The following GALNT13 variants were observed in gnomAD, a reference collection of about 807,000 sequenced individuals.
GALNT13 encodes the protein polypeptide N-acetylgalactosaminyltransferase 13.
A neutral mutation model predicts 64.2 loss-of-function variants in GALNT13; 28 were observed. That is an observed-to-expected ratio of 0.44 (90% CI 0.32 to 0.60). The LOEUF is 0.60. GALNT13 is among the 20% of genes least tolerant of loss of function. The probability of loss-of-function intolerance (pLI) is 0.05; values close to 1 mark genes in which losing one functional copy is unlikely to be tolerated. For missense variants in GALNT13, 577 were observed against 669.8 expected (o/e 0.86, Z 1.53); for synonymous variants, 214 against 224.6 (o/e 0.95, Z 0.42).
chr2:153,348,334 G>C, the GALNT13 span, among the ~76,000 whole-genome samples: 2 of 152,104 alleles, frequency 1.3e-5, no homozygotes, highest in Non-Finnish European at 2.9e-5. Flanking sequence ...AAGCCTGCTA[G>C]GTCACAAAGG....
chr2:153,808,031 T>C, the GALNT13 span, among the ~76,000 whole-genome samples: 1 of 152,168 alleles, frequency 6.6e-6, no homozygotes, highest in Non-Finnish European at 1.5e-5. Flanking sequence ...CACTGGCTCT[T>C]TAATGTGCAC....
At chr2:154,097,413 C>T (rs1702130089) in intron 3 of GALNT13, among the ~76,000 whole-genome samples, 1 of 151,978 alleles carries the variant, frequency 6.6e-6, no homozygotes, top group Admixed American at 6.6e-5. Context: ...GCAACAGATC[C>T]TGCTTAAAAG....
chr2:154,040,958 A>G (rs1221555852), intron 3 of GALNT13, among the ~76,000 whole-genome samples: 3 of 140,156 alleles, frequency 2.1e-5, no homozygotes, highest in African/African-American at 7.3e-5. Flanking sequence ...TTTTTGTACA[A>G]AGTGTTGCTA....
the GALNT13 span, among the ~76,000 whole-genome samples, chr2:153,241,601 C>T: frequency 6.6e-6 from 1 of 151,852 alleles, no homozygotes; most frequent in Non-Finnish European, 1.5e-5. Context: ...AGCCCAGAAA[C>T]CTGGTATACC....
the GALNT13 span, among the ~76,000 whole-genome samples, chr2:153,243,992 T>G: frequency 6.6e-6 from 1 of 151,994 alleles, no homozygotes; most frequent in African/African-American, 2.4e-5. Context: ...CTAGCATTAT[T>G]ATTAAAGATG....
At chr2:154,307,714 T>C (rs1693816373) in intron 9 of GALNT13, among the ~76,000 whole-genome samples, 1 of 152,210 alleles carries the variant, frequency 6.6e-6, no homozygotes, top group Non-Finnish European at 1.5e-5. Context: ...TAAAGCCCTG[T>C]AGGCTGTTAA....
intron 4 of GALNT13, among the ~76,000 whole-genome samples, chr2:154,201,587 C>A (rs1243638814): frequency 6.6e-6 from 1 of 152,132 alleles, no homozygotes; most frequent in African/African-American, 2.4e-5. Flanking sequence ...GCAGTTTAAA[C>A]ATACAGAGGC....
the GALNT13 span, among the ~76,000 whole-genome samples, chr2:153,702,718 G>C: frequency 6.6e-6 from 1 of 152,226 alleles, no homozygotes; most frequent in Non-Finnish European, 1.5e-5. Flanking sequence ...GCAATGGGGA[G>C]AGTGGATATT....
the GALNT13 span, among the ~76,000 whole-genome samples, chr2:153,792,460 T>C: frequency 2.6e-5 from 4 of 152,220 alleles, no homozygotes; most frequent in African/African-American, 9.6e-5. Flanking sequence ...TGAGCATTTA[T>C]AGATTTTGGT....
At chr2:154,187,883 C>T (rs1035245137) in intron 4 of GALNT13, among the ~76,000 whole-genome samples, 3 of 152,066 alleles carry the variant, frequency 2.0e-5, no homozygotes, top group African/African-American at 7.2e-5. Flanking sequence ...GCAAACCCTA[C>T]TAGTTCATCA....
At chr2:153,622,940 AG>A in the GALNT13 span, among the ~76,000 whole-genome samples, 1 of 152,148 alleles carries the variant, frequency 6.6e-6, no homozygotes, top group South Asian at 2.1e-4. Context: ...ACATGATTGC[AG>A]CCACCCTTGT....
At chr2:154,299,096 G>A (rs1693269781) in intron 8 of GALNT13, among the ~76,000 whole-genome samples, 1 of 148,618 alleles carries the variant, frequency 6.7e-6, no homozygotes, top group Admixed American at 6.8e-5. Context: ...AATGGTAAAA[G>A]GAAACAGATA....
chr2:153,776,746 T>C, the GALNT13 span, among the ~76,000 whole-genome samples: 1 of 152,240 alleles, frequency 6.6e-6, no homozygotes, highest in Non-Finnish European at 1.5e-5. Flanking sequence ...TCTGTGCAGC[T>C]CTGACATTTC....
chr2:154,288,384 TGA>T, intron 8 of GALNT13, among the ~76,000 whole-genome samples: 1 of 152,154 alleles, frequency 6.6e-6, no homozygotes, highest in East Asian at 1.9e-4. Flanking sequence ...CTCCCAAATG[TGA>T]GCCCCTCATG....
intron 9 of GALNT13, among the ~76,000 whole-genome samples, chr2:154,378,147 AATTCTCTGTAAAGGAAACACACCAC>A (rs1261906876): frequency 6.6e-6 from 1 of 152,144 alleles, no homozygotes; most frequent in Non-Finnish European, 1.5e-5. Flanking sequence ...AGAGAACGCC[AATTCTCTGTAAAGGAAACACACCAC>A]ATTTAAGTAC....
At chr2:153,307,565 TA>T in the GALNT13 span, among the ~76,000 whole-genome samples, 1 of 152,228 alleles carries the variant, frequency 6.6e-6, no homozygotes. Context: ...TTAGTCACAA[TA>T]AAATAATCTT....
the GALNT13 span, among the ~76,000 whole-genome samples, chr2:153,630,835 A>G: frequency 1.1e-5 from 1 of 88,814 alleles, no homozygotes; most frequent in Non-Finnish European, 2.1e-5. Flanking sequence ...ATTATACTTT[A>G]AGTTCTAGGG....
the GALNT13 span, among the ~76,000 whole-genome samples, chr2:153,388,219 C>T: frequency 1.3e-5 from 2 of 152,064 alleles, no homozygotes; most frequent in African/African-American, 4.8e-5. Flanking sequence ...TATACCTTAG[C>T]TTCACAGTCT....
intron 3 of GALNT13, among the ~76,000 whole-genome samples, chr2:154,135,000 C>G (rs566508231): frequency 3.3e-5 from 5 of 152,212 alleles, no homozygotes; most frequent in Non-Finnish European, 7.4e-5. Flanking sequence ...AACAAACAAA[C>G]AACAAATTGG....
Sources: gnomAD v4.1 joint callset for allele counts (sites outside exome capture counted in the v4.1 genomes callset) on GRCh38, gnomAD v4.1.1 for gene constraint, MANE v1.5 for transcripts, NCBI Gene and HGNC (gene_info 2026-07-23, HGNC 2026-07-21) for gene names.